The following CMTM5 variants were observed in gnomAD, a reference collection of about 807,000 sequenced individuals.
CMTM5 encodes CKLF like MARVEL transmembrane domain containing 5.
In CMTM5, 25 loss-of-function variants were observed where a neutral mutation model predicts 26.9. That is an observed-to-expected ratio of 0.93 (90% confidence interval 0.68 to 1.30). The LOEUF (loss-of-function observed/expected upper bound fraction) is 1.30, where lower values mean the gene tolerates loss of function less well. Among genes scored for constraint, CMTM5 ranks in the 50% most tolerant of loss-of-function variants. The pLI is 0.00. For missense variants in CMTM5, 292 were observed against 289.6 expected, an observed-to-expected ratio of 1.01 and a Z score of -0.06; for synonymous variants, 98 against 115.5, an observed-to-expected ratio of 0.85 and a Z score of 0.97.
In CMTM5 at chr14:23,377,072, T is replaced by G; in HGVS notation, c.-180T>G. ...CTCTGGGCAGCTGGGTGAGGGCCCA[T>G]CTGGGCAAGGCCCCCAGCGCCTGCC... is the stretch of plus-strand genomic sequence containing the variant. On this transcript the variant is annotated 5_prime_UTR_variant, in exon 1 of 6. Transcript: ENST00000339180. The surrounding 1 kb of genome is among the most constrained non-coding windows in gnomAD (Gnocchi z 4.6). The G allele has an allele frequency of 1.3e-6, 1 of 775,830 alleles. No homozygotes were observed. Among genetic ancestry groups the G allele is most frequent in the Non-Finnish European group, 2.0e-6 (1 of 497,258 alleles). 48.1% of individuals were successfully genotyped at this position (775,830 alleles called of 1,614,324 possible). A position where few individuals can be genotyped will look rare whatever the true frequency, so the allele number is the denominator to read the frequency against.
chr14:23,378,958 C>T lies in CMTM5; in HGVS notation c.481-73C>T. 2 of 1,606,378 alleles carry T rather than the reference C, an allele frequency of 1.2e-6. No individual in the cohort carries two copies. The highest frequency in any genetic ancestry group is 8.5e-7 in the Non-Finnish European group (1 of 1,174,420). ...GAATCCCTCAGGGTCGGGCTGCTGG[C>T]TAGCCTGGAAAACTTCAGGGTAACG... On this transcript the variant is annotated intron_variant, in intron 3 of 5. Transcript: ENST00000339180. The surrounding 1 kb of genome is among the most constrained non-coding windows in gnomAD (Gnocchi z 4.2).
Position 23,378,659 on chromosome 14 carries a change from G to A in CMTM5, c.280-10G>A. On this transcript the variant is annotated splice_polypyrimidine_tract_variant and intron_variant, in intron 2 of 5. Transcript: ENST00000339180. This position sits in a 1 kb window ranked among gnomAD's most constrained non-coding sequence, Gnocchi z 4.2. ...TCAAAGGTGTGCTTTGACTCACACT[G>A]ATTTCACAGCTGCAGGGCCACGGGC... is the stretch of plus-strand genomic sequence containing the variant. 6.2e-7 allele frequency: 1 copy of A among 1,613,358 alleles called. No homozygotes were observed. Among genetic ancestry groups the A allele is most frequent in the East Asian group, 2.2e-5 (1 of 44,876 alleles).
In CMTM5 at chr14:23,378,912, G is replaced by C. The variant is rs1890722262; in HGVS notation, c.480+43G>C. ...TGAATGTGCTTCATATTGTGTGAGG[G>C]GTATCCTATGGAGGGGTTCAGAATC... On this transcript the variant is annotated intron_variant, in intron 3 of 5. Transcript: ENST00000339180. The surrounding 1 kb of genome is among the most constrained non-coding windows in gnomAD (Gnocchi z 4.2). 3.1e-6 allele frequency: 5 copies of C among 1,608,048 alleles called. No homozygotes were observed. The highest frequency in any genetic ancestry group is 4.3e-6 in the Non-Finnish European group (5 of 1,176,214).
Position 23,379,647 on chromosome 14 carries a change from TG to T in CMTM5, c.*162del, listed in dbSNP as rs1453119567. 7 of 1,345,994 alleles carry T rather than the reference TG, an allele frequency of 5.2e-6. No individual in the cohort carries two copies. In the African/African-American group the frequency reaches 1.0e-4, roughly 20 times the overall value. The allele number at this position is 1,345,994 out of a possible 1,614,324, so 83.4% of individuals were successfully genotyped here. Reference sequence around the variant, plus strand: ...TCACTGGGGACTTATCTGTGGAGCCTGGTGCTCCAGGATGTGGCTTCTCATG... The same window carrying T: ...TCACTGGGGACTTATCTGTGGAGCCTGTGCTCCAGGATGTGGCTTCTCATG... On this transcript the variant is annotated 3_prime_UTR_variant, in exon 6 of 6. Coordinates refer to ENST00000339180, the MANE Select transcript of CMTM5 (RefSeq NM_001288746.2).
chr14:23,378,576 C>T lies in CMTM5; in HGVS notation c.279+75C>T, dbSNP rs1014585370. On this transcript the variant is annotated intron_variant, in intron 2 of 5. Coordinates refer to ENST00000339180, the MANE Select transcript of CMTM5 (RefSeq NM_001288746.2). This position sits in a 1 kb window ranked among gnomAD's most constrained non-coding sequence, Gnocchi z 4.2. ...AAATGATGCATTTTCCTTTCCTCCC[C>T]GAGCTTCTTTCCATTTCCACACCAC... 5.8e-5 allele frequency: 93 copies of T among 1,607,874 alleles called. No individual in the cohort carries two copies. Among genetic ancestry groups the T allele is most frequent in the Middle Eastern group, 3.3e-4 (2 of 6,066 alleles).
Position 23,377,586 on chromosome 14 carries a change from A to G in CMTM5, c.126+209A>G. 1 of 521,758 alleles carries G rather than the reference A, an allele frequency of 1.9e-6. No individual in the cohort carries two copies. Among genetic ancestry groups the G allele is most frequent in the Non-Finnish European group, 3.2e-6 (1 of 309,916 alleles). The allele number at this position is 521,758 out of a possible 1,614,324, so 32.3% of individuals were successfully genotyped here. On this transcript the variant is annotated intron_variant, in intron 1 of 5. Transcript: ENST00000339180. This position sits in a 1 kb window ranked among gnomAD's most constrained non-coding sequence, Gnocchi z 4.6. ...GACATTTACAGCAGGTTTCAGTTGC[A>G]GCAGGAAGGACTGCAGTTAGACAGG... is the stretch of plus-strand genomic sequence containing the variant.
intron 4 of CMTM5, 25 bp downstream of exon 4, chr14:23,379,148 T>C: frequency 1.2e-6 from 2 of 1,610,560 alleles, no homozygotes; most frequent in South Asian, 2.2e-5. Context: ...GCAGGACTCC[T>C]TAGCCCCTCA....
chr14:23,377,238 T>C lies in CMTM5; in HGVS notation c.-14T>C, dbSNP rs1057289983. ...TTTTGGCAGTAGGGGGCTGTGTTGG[T>C]GGGCCCTACGAAGATGCTCAGTGCT... is the stretch of plus-strand genomic sequence containing the variant. On this transcript the variant is annotated 5_prime_UTR_variant, in exon 1 of 6. Transcript: ENST00000339180. This position sits in a 1 kb window ranked among gnomAD's most constrained non-coding sequence, Gnocchi z 4.6. The C allele has an allele frequency of 1.2e-6, 2 of 1,610,642 alleles. No homozygotes were observed. Among genetic ancestry groups the C allele is most frequent in the African/African-American group, 2.7e-5 (2 of 74,822 alleles).
At position 23,378,705 on chromosome 14, in the gene CMTM5, C is replaced by G; in HGVS notation, c.316C>G (p.Leu106Val). ...GHGQSGGPHP[L>V]DLLSHSAKVQ... The stretch of plus-strand genomic sequence containing the variant: ...CGGGCAATCAGGAGGACCACATCCG[C>G]TAGATCTACTCTCCCACTCAGCAAA... The change falls in exon 3 of 6, where the codon CTA becomes GTA. Residue 106 changes from leucine (L) to valine (V), a missense_variant. Coordinates refer to ENST00000339180, the MANE Select transcript of CMTM5 (RefSeq NM_001288746.2). This position sits in a 1 kb window ranked among gnomAD's most constrained non-coding sequence, Gnocchi z 4.2. 6.2e-7 allele frequency: 1 copy of G among 1,612,786 alleles called. No homozygotes were observed. Among genetic ancestry groups the G allele is most frequent in the Non-Finnish European group, 8.5e-7 (1 of 1,179,854 alleles).
At position 23,379,384 on chromosome 14, in the gene CMTM5, G is replaced by C; in HGVS notation, c.658+1G>C. Reference sequence around the variant, plus strand: ...GAGATGGCACCCGGGGCCAGCCAGGGTGAGTGCCTGTGCTCTGTGGAGAGG... The same window carrying C: ...GAGATGGCACCCGGGGCCAGCCAGGCTGAGTGCCTGTGCTCTGTGGAGAGG... On this transcript the variant is annotated splice_donor_variant, in intron 5 of 5. Coordinates refer to ENST00000339180, the MANE Select transcript of CMTM5 (RefSeq NM_001288746.2). LOFTEE classifies it high-confidence loss of function. 1 of 1,614,154 alleles carries C rather than the reference G, an allele frequency of 6.2e-7. No individual in the cohort carries two copies. The highest frequency in any genetic ancestry group is 8.5e-7 in the Non-Finnish European group (1 of 1,180,032).
Position 23,378,461 on chromosome 14 carries a change from A to T in CMTM5, c.239A>T (p.Gln80Leu). 1 of 1,614,094 alleles carries T rather than the reference A, an allele frequency of 6.2e-7. No homozygotes were observed. The highest frequency in any genetic ancestry group is 8.5e-7 in the Non-Finnish European group (1 of 1,180,012). The part of the protein sequence containing the change: ...TLAFLFLYAT[Q>L]YYQRFDRINW... ...GCCTTCCTCTTCCTCTATGCCACCC[A>T]GTACTACCAGCGCTTCGACCGAATT... The change falls in exon 2 of 6, where the codon CAG becomes CTG. Residue 80 changes from glutamine (Q) to leucine (L), a missense_variant. Gln to Leu is a moderately radical substitution (Grantham distance 113). Coordinates refer to ENST00000339180, the MANE Select transcript of CMTM5 (RefSeq NM_001288746.2). This position sits in a 1 kb window ranked among gnomAD's most constrained non-coding sequence, Gnocchi z 4.2.
In CMTM5 at chr14:23,379,055, A is replaced by T; in HGVS notation, c.505A>T (p.Ile169Phe). ...GGACTTCCTGCGCTGTGTCAGTGCC[A>T]TCATCATCTTCCTGGTGGTCTCCTT... ...SSDFLRCVSA[I>F]IIFLVVSFAA... Residue 169 changes from isoleucine to phenylalanine, a missense_variant, in exon 4 of 6, where the codon ATC (isoleucine) becomes TTC (phenylalanine). Ile to Phe is a conservative substitution (Grantham distance 21). Coordinates refer to ENST00000339180, the MANE Select transcript of CMTM5 (RefSeq NM_001288746.2). 1 of 1,614,042 alleles carries T rather than the reference A, an allele frequency of 6.2e-7. No individual in the cohort carries two copies. The highest frequency in any genetic ancestry group is 8.5e-7 in the Non-Finnish European group (1 of 1,179,992).
chr14:23,377,287 TGAG>T lies in CMTM5; in HGVS notation c.41_43del (p.Glu14del). 1.2e-6 allele frequency: 2 copies of T among 1,612,392 alleles called. No individual in the cohort carries two copies. The highest frequency in any genetic ancestry group is 1.7e-6 in the Non-Finnish European group (2 of 1,179,288). On this transcript the variant is annotated inframe_deletion, in exon 1 of 6. Coordinates refer to ENST00000339180, the MANE Select transcript of CMTM5 (RefSeq NM_001288746.2). This position sits in a 1 kb window ranked among gnomAD's most constrained non-coding sequence, Gnocchi z 4.6. ...CTCGAGATCGCCGGGACCGGCACCC[TGAG>T]GAGGGGGTAGTTGCAGAGCTCCAGG...
chr14:23,377,111 C>A lies in CMTM5; in HGVS notation c.-141C>A. 1 of 1,182,064 alleles carries A rather than the reference C, an allele frequency of 8.5e-7. No individual in the cohort carries two copies. Among genetic ancestry groups the A allele is most frequent in the Non-Finnish European group, 1.2e-6 (1 of 839,700 alleles). 73.2% of individuals were successfully genotyped at this position (1,182,064 alleles called of 1,614,324 possible). A position where few individuals can be genotyped will look rare whatever the true frequency, so the allele number is the denominator to read the frequency against. The stretch of plus-strand genomic sequence containing the variant: ...CCAGCGCCTGCCTTCTCTCCCGGGG[C>A]CCTGTGGGCAAGCCTCCTGCTTCAC... On this transcript the variant is annotated 5_prime_UTR_variant, in exon 1 of 6. Transcript: ENST00000339180. This position sits in a 1 kb window ranked among gnomAD's most constrained non-coding sequence, Gnocchi z 4.6.
Position 23,377,274 on chromosome 14 carries a change from G to T in CMTM5, c.23G>T (p.Arg8Leu), listed in dbSNP as rs200320289. 6.2e-7 allele frequency: 1 copy of T among 1,612,288 alleles called. No homozygotes were observed. The highest frequency in any genetic ancestry group is 8.5e-7 in the Non-Finnish European group (1 of 1,179,280). Reference protein sequence around the residue: MLSARDRRDRHPEEGVVA... With the variant: MLSARDRLDRHPEEGVVA... ...AAGATGCTCAGTGCTCGAGATCGCC[G>T]GGACCGGCACCCTGAGGAGGGGGTA... Residue 8 changes from arginine to leucine, a missense_variant, in exon 1 of 6, where the codon CGG becomes CTG. Transcript: ENST00000339180. The surrounding 1 kb of genome is among the most constrained non-coding windows in gnomAD (Gnocchi z 4.6).
At position 23,378,358 on chromosome 14, in the gene CMTM5, C is replaced by G. The variant is rs1890675506; in HGVS notation, c.136C>G (p.Leu46Val). Residue 46 changes from leucine to valine, a missense_variant, in exon 2 of 6, where the codon CTC (leucine) becomes GTC (valine). Leu to Val is a conservative substitution (Grantham distance 32). Coordinates refer to ENST00000339180, the MANE Select transcript of CMTM5 (RefSeq NM_001288746.2). This position sits in a 1 kb window ranked among gnomAD's most constrained non-coding sequence, Gnocchi z 4.2. ...ILLETELALTLIIFICFTASI... is the reference protein window; with the variant it reads ...ILLETELALTVIIFICFTASI... ...ATGCTCGGTCCTGCAGGCCCTGACC[C>G]TCATCATCTTCATCTGCTTCACGGC... 1.2e-6 allele frequency: 2 copies of G among 1,613,926 alleles called. No homozygotes were observed. The highest frequency in any genetic ancestry group is 1.7e-6 in the Non-Finnish European group (2 of 1,179,992).
Position 23,379,476 on chromosome 14 carries a change from G to C in CMTM5, c.661G>C (p.Asp221His), listed in dbSNP as rs772534794. 8.1e-6 allele frequency: 13 copies of C among 1,613,776 alleles called. No homozygotes were observed. Among genetic ancestry groups the C allele is most frequent in the Non-Finnish European group, 1.1e-5 (13 of 1,180,020 alleles). Residue 221 changes from aspartate (D) to histidine (H), a missense_variant and splice_region_variant, in exon 6 of 6, where the codon GAC (aspartate) becomes CAC (histidine). Physicochemically the swap from Asp to His is moderately conservative, Grantham distance 81 (BLOSUM62 -1). Coordinates refer to ENST00000339180, the MANE Select transcript of CMTM5 (RefSeq NM_001288746.2). ...CCTACCTGGCTCTATCCTCACAGGG[G>C]ACCAGCAGTGACTCTGGGGCTACCT... ...TEMAPGASQGDQQ is the reference protein window; with the variant it reads ...TEMAPGASQGHQQ
Position 23,378,956 on chromosome 14 carries a change from G to A in CMTM5, c.481-75G>A. 6.2e-7 allele frequency: 1 copy of A among 1,606,772 alleles called. No homozygotes were observed. Among genetic ancestry groups the A allele is most frequent in the South Asian group, 1.1e-5 (1 of 90,634 alleles). On this transcript the variant is annotated intron_variant, in intron 3 of 5. Coordinates refer to ENST00000339180, the MANE Select transcript of CMTM5 (RefSeq NM_001288746.2). The surrounding 1 kb of genome is among the most constrained non-coding windows in gnomAD (Gnocchi z 4.2). ...CAGAATCCCTCAGGGTCGGGCTGCT[G>A]GCTAGCCTGGAAAACTTCAGGGTAA...
chr14:23,378,253 G>A lies in CMTM5; in HGVS notation c.127-96G>A, dbSNP rs1890667742. 2.2e-6 allele frequency: 3 copies of A among 1,365,372 alleles called. No homozygotes were observed. Among genetic ancestry groups the A allele is most frequent in the Non-Finnish European group, 3.0e-6 (3 of 988,204 alleles). 84.6% of individuals were successfully genotyped at this position (1,365,372 alleles called of 1,614,324 possible). On this transcript the variant is annotated intron_variant, in intron 1 of 5. Transcript: ENST00000339180. This position sits in a 1 kb window ranked among gnomAD's most constrained non-coding sequence, Gnocchi z 4.2. ...CCTCCCCTCCAAGGACAGGTAGTAG[G>A]TGCCAGCCTAGGGGAGCTTCCAAGG...
Sources: gnomAD v4.1 joint callset for allele counts on GRCh38, gnomAD v4.1.1 for gene constraint, Gnocchi (gnomAD v3.1) non-coding constraint, MANE v1.5 for transcripts, NCBI Gene and HGNC (gene_info 2026-07-23, HGNC 2026-07-21) for gene names.